Variants in CAPN14 observed in about 807,000 individuals in gnomAD.
The protein encoded by CAPN14 is calpain-14.
A neutral mutation model predicts 101.3 loss-of-function variants in CAPN14; 94 were observed. That is an observed-to-expected ratio of 0.93 (90% confidence interval 0.79 to 1.10). The LOEUF (loss-of-function observed/expected upper bound fraction) is 1.10. Among genes scored for constraint, CAPN14 ranks in the 50% least tolerant of loss-of-function variants. The pLI, the probability that CAPN14 is intolerant of heterozygous loss-of-function variation, is 0.00. For missense variants in CAPN14, 837 were observed against 828.4 expected (o/e 1.01, Z -0.13); for synonymous variants, 338 against 317.9 (o/e 1.06, Z -0.67).
At position 31,187,142 on chromosome 2, in the gene CAPN14, C is replaced by T. The variant is rs1178174834; in HGVS notation, c.1587+616G>A. Among the ~76,000 whole-genome samples, 10 of 152,270 alleles carry T rather than the reference C, an allele frequency of 6.6e-5. No individual in the cohort carries two copies. The South Asian group carries it at 2.1e-3, about 32-fold the overall frequency. On this transcript the variant is annotated intron_variant, in intron 15 of 21. Coordinates refer to ENST00000403897, the MANE Select transcript of CAPN14 (RefSeq NM_001145122.2). Reference sequence around the variant, plus strand: ...TTAGTGACATTGCTCAAATATCAGACCCCAGATTTCCAGTATGTTTCTCGC... The same window carrying T: ...TTAGTGACATTGCTCAAATATCAGATCCCAGATTTCCAGTATGTTTCTCGC...
intron 1 of CAPN14, among the ~76,000 whole-genome samples, chr2:31,209,775 G>C (rs578143424): frequency 5.2e-4 from 79 of 152,232 alleles, no homozygotes; most frequent in African/African-American, 1.8e-3. Flanking sequence ...CTCTTCTCAA[G>C]TCTGTATTCC....
chr2:31,197,635 G>C (rs1208829989), intron 7 of CAPN14, among the ~76,000 whole-genome samples: 1 of 152,234 alleles, frequency 6.6e-6, no homozygotes, highest in East Asian at 1.9e-4. Context: ...CTTAGAACCT[G>C]TGAACATGAC....
chr2:31,228,480 C>T (rs1488094057), intron 1 of CAPN14: 1 of 152,148 alleles, frequency 6.6e-6, no homozygotes, highest in Non-Finnish European at 1.5e-5. Context: ...GATATCACTA[C>T]TAAAAATTAT....
intron 1 of CAPN14, among the ~76,000 whole-genome samples, chr2:31,227,727 G>A (rs1257200321): frequency 6.6e-6 from 1 of 152,224 alleles, no homozygotes; most frequent in African/African-American, 2.4e-5. Context: ...AGTAGGAATT[G>A]GCTGAGCTGA....
intron 2 of CAPN14, among the ~76,000 whole-genome samples, chr2:31,225,396 T>A (rs1313339647): frequency 3.3e-5 from 5 of 152,062 alleles, no homozygotes; most frequent in African/African-American, 4.8e-5. Context: ...AACTCTGATA[T>A]CATTGTGGTA....
At chr2:31,226,469 C>T (rs1048013198) in intron 2 of CAPN14, 4 of 152,334 alleles carry the variant, frequency 2.6e-5, no homozygotes, top group Non-Finnish European at 4.4e-5. Context: ...GAGCTTTTCT[C>T]CTCAAGGTGC....
intron 16 of CAPN14, among the ~76,000 whole-genome samples, chr2:31,183,711 A>G (rs1394921418): frequency 1.3e-5 from 2 of 152,060 alleles, no homozygotes; most frequent in African/African-American, 2.4e-5. Context: ...GGATGTGGAG[A>G]AATAGGAACA....
At chr2:31,185,886 T>A (rs970953318) in intron 16 of CAPN14, among the ~76,000 whole-genome samples, 2 of 152,198 alleles carry the variant, frequency 1.3e-5, no homozygotes, top group African/African-American at 4.8e-5. Flanking sequence ...ACTCCAAATA[T>A]ATGTATAAAA....
rs1286678192 is a variant in CAPN14, at chr2:31,177,888, T to C, written c.1780-67A>G. 3.4e-6 allele frequency: 4 copies of C among 1,192,336 alleles called. No homozygotes were observed. The African/African-American group carries it at 4.5e-5, about 14-fold the overall frequency. 73.9% of individuals were successfully genotyped at this position (1,192,336 alleles called of 1,614,324 possible). A position where few individuals can be genotyped will look rare whatever the true frequency, so the allele number is the denominator to read the frequency against. Reference sequence around the variant, plus strand: ...CCAAGCACCATCTGAGAGCCCTGTGTGCCCCTTGTCAGCACCGCAGAGGGG... The same window carrying C: ...CCAAGCACCATCTGAGAGCCCTGTGCGCCCCTTGTCAGCACCGCAGAGGGG... On this transcript the variant is annotated intron_variant, in intron 18 of 21. Transcript: ENST00000403897.
upstream of CAPN14, among the ~76,000 whole-genome samples, chr2:31,221,001 C>T (rs116915496): frequency 5.1e-4 from 78 of 151,992 alleles, no homozygotes; most frequent in East Asian, 3.5e-3. Context: ...ATCCAAGAAC[C>T]GAGATAATAA....
rs1375669862 is a variant in CAPN14 at position 31,200,630 on chromosome 2, C to G, written c.552-5G>C. The G allele has an allele frequency of 1.1e-5, 17 of 1,536,218 alleles. No homozygotes were observed. Among genetic ancestry groups the G allele is most frequent in the Non-Finnish European group, 1.5e-5 (17 of 1,141,434 alleles). On this transcript the variant is annotated splice_polypyrimidine_tract_variant and splice_region_variant and intron_variant, in intron 5 of 21. Coordinates refer to ENST00000403897, the MANE Select transcript of CAPN14 (RefSeq NM_001145122.2). ...TCTTCATAGGAACCAGAGAGCCTGG[C>G]CAGGGAAGAAATAAACATGAGAGGA...
intron 1 of CAPN14, among the ~76,000 whole-genome samples, chr2:31,227,602 C>A (rs1436411755): frequency 6.6e-6 from 1 of 152,188 alleles, no homozygotes; most frequent in African/African-American, 2.4e-5. Context: ...TTTATCCCCA[C>A]AACAACATTG....
In CAPN14 at chr2:31,180,869, T is replaced by C. The variant is rs1680558433; in HGVS notation, c.1710+67A>G. 2 of 1,369,742 alleles carry C rather than the reference T, an allele frequency of 1.5e-6. No individual in the cohort carries two copies. Among genetic ancestry groups the C allele is most frequent in the African/African-American group, 1.4e-5 (1 of 69,490 alleles). The allele number at this position is 1,369,742 out of a possible 1,614,324, so 84.8% of individuals were successfully genotyped here. ...GATTGGGGTTGGGATTCAAATATAC[T>C]CTGCCTAGCTCCAGAGTGAAGCTCT... On this transcript the variant is annotated intron_variant, in intron 17 of 21. Transcript: ENST00000403897.
chr2:31,195,525 CG>C, intron 8 of CAPN14, among the ~76,000 whole-genome samples: 1 of 152,110 alleles, frequency 6.6e-6, no homozygotes, highest in East Asian at 1.9e-4. Context: ...TTAGTAGAGA[CG>C]TGGTTTTACC....
intron 1 of CAPN14, among the ~76,000 whole-genome samples, chr2:31,229,175 T>A (rs1683111676): frequency 6.6e-6 from 1 of 151,828 alleles, no homozygotes; most frequent in Non-Finnish European, 1.5e-5. Context: ...AGGATAGGGG[T>A]CCCCTCTAGA....
intron 1 of CAPN14, among the ~76,000 whole-genome samples, chr2:31,205,802 G>A (rs536714281): frequency 4.1e-4 from 62 of 152,096 alleles, no homozygotes; most frequent in African/African-American, 1.5e-3. Context: ...GGTCCCTTCT[G>A]CTTAGTGGGG....
In CAPN14 at chr2:31,191,856, C is replaced by T. The variant is rs1167612645; in HGVS notation, c.1278+79G>A. On this transcript the variant is annotated intron_variant, in intron 11 of 21. Transcript: ENST00000403897. ...GAACAGAGACAGATGGTGAAGAAGA[C>T]AGGAAACAGGAAGACATGGTAACTG... The T allele has an allele frequency of 3.0e-6, 4 of 1,325,272 alleles. 1 individual carries two copies. In the Admixed American group the frequency reaches 1.1e-4, roughly 37 times the overall value. 82.1% of individuals were successfully genotyped at this position (1,325,272 alleles called of 1,614,324 possible). A position where few individuals can be genotyped will look rare whatever the true frequency, so the allele number is the denominator to read the frequency against.
rs1009837061 is a variant in CAPN14 at position 31,230,912 on chromosome 2, A to G, written c.-177+2879T>C. The stretch of plus-strand genomic sequence containing the variant: ...TCTTCCTGACTTTGTGGTGATATAT[A>G]TGCAATCTCTATTGCAACTTCTGTA... On this transcript the variant is annotated intron_variant and NMD_transcript_variant, in intron 1 of 21. Transcript: ENST00000398824. This position sits in a 1 kb window ranked among gnomAD's most constrained non-coding sequence, Gnocchi z 4.3. Among the ~76,000 whole-genome samples, 3 of 152,154 alleles carry G rather than the reference A, an allele frequency of 2.0e-5. No homozygotes were observed. Among genetic ancestry groups the G allele is most frequent in the Non-Finnish European group, 4.4e-5 (3 of 68,026 alleles).
chr2:31,230,710 C>G lies in CAPN14; in HGVS notation c.-177+3081G>C, dbSNP rs116969511. Reference sequence around the variant, plus strand: ...CTATTGGAATGTTTGTCTTTGTTATCGATGCACAGCCATTAGTTCTATATT... The same window carrying G: ...CTATTGGAATGTTTGTCTTTGTTATGGATGCACAGCCATTAGTTCTATATT... On this transcript the variant is annotated intron_variant and NMD_transcript_variant, in intron 1 of 21. Coordinates refer to the CAPN14 transcript ENST00000398824. The surrounding 1 kb of genome is among the most constrained non-coding windows in gnomAD (Gnocchi z 4.3). Among the ~76,000 whole-genome samples the G allele has an allele frequency of 2.6e-5, 4 of 152,118 alleles. No individual in the cohort carries two copies. Among genetic ancestry groups the G allele is most frequent in the Admixed American group, 6.5e-5 (1 of 15,274 alleles).
Sources: allele counts gnomAD v4.1 joint callset (sites outside exome capture counted in the v4.1 genomes callset), GRCh38; gene constraint gnomAD v4.1.1; non-coding constraint Gnocchi (gnomAD v3.1); transcripts MANE v1.5; gene names NCBI Gene and HGNC (gene_info 2026-07-23, HGNC 2026-07-21).